PTK2B: variants seen among roughly 807,000 people sequenced by gnomAD.
PTK2B encodes protein tyrosine kinase 2 beta, also known as protein-tyrosine kinase 2-beta.
PTK2B carries 71 observed loss-of-function variants against 142.9 expected under a neutral mutation model. The observed-to-expected ratio is 0.50, with a 90% CI of 0.41 to 0.61. The LOEUF (loss-of-function observed/expected upper bound fraction) is 0.61, where lower values mean the gene tolerates loss of function less well. Ranked by LOEUF, PTK2B falls within the 20% of genes least tolerant of loss-of-function variation. The probability of loss-of-function intolerance (pLI) is 0.00; values close to 1 mark genes in which losing one functional copy is unlikely to be tolerated. For missense variants in PTK2B, 1,105 were observed against 1,320.4 expected, an observed-to-expected ratio of 0.84 and a Z score of 2.53; for synonymous variants, 519 against 503.4, an observed-to-expected ratio of 1.03 and a Z score of -0.42.
intron 11 of PTK2B, 150 bp from the exon 12 acceptor site, chr8:27,433,943 C>T: frequency 9.1e-7 from 1 of 1,098,698 alleles, no homozygotes; most frequent in Admixed American, 1.7e-5. Context: ...ACTTCTGGCC[C>T]AAGGCCTCAC....
At chr8:27,406,125 A>G (rs571433859) in intron 2 of PTK2B, among the ~76,000 whole-genome samples, 1 of 152,292 alleles carries the variant, frequency 6.6e-6, no homozygotes, top group South Asian at 2.1e-4. Context: ...TTCGCAGCTT[A>G]TGGATACTTC....
chr8:27,444,253 T>C lies in PTK2B; in HGVS notation c.2196T>C (p.Ala732=), dbSNP rs1470233335. Residue 732 remains alanine, a synonymous_variant, in exon 23 of 31, where the codon GCT becomes GCC. Transcript: ENST00000346049. ...CCCCTCCGCAAACCAACCTCCTGGCTCCAAAGCTGCAGTTCCAGGTAAAGA... is the reference window on the plus strand; with the variant it reads ...CCCCTCCGCAAACCAACCTCCTGGCCCCAAAGCTGCAGTTCCAGGTAAAGA... ...YRPPPQTNLL[A]PKLQFQVPEG... The C allele has an allele frequency of 1.9e-6, 3 of 1,613,700 alleles. No homozygotes were observed. The highest frequency in any genetic ancestry group is 1.7e-5 in the Admixed American group (1 of 59,998).
upstream of PTK2B, among the ~76,000 whole-genome samples, chr8:27,324,151 C>T (rs945655177): frequency 2.0e-5 from 3 of 152,232 alleles, no homozygotes; most frequent in African/African-American, 7.2e-5. Context: ...GCCTCCTCAT[C>T]CCCACACCTT....
chr8:27,410,949 C>T (rs1406393074), intron 2 of PTK2B, among the ~76,000 whole-genome samples: 7 of 152,196 alleles, frequency 4.6e-5, no homozygotes, highest in Admixed American at 4.6e-4. Context: ...TTCAAAGGTT[C>T]TTAATAACCA....
intron 1 of PTK2B, among the ~76,000 whole-genome samples, chr8:27,371,712 TA>T: frequency 6.6e-6 from 1 of 152,252 alleles, no homozygotes; most frequent in Admixed American, 6.5e-5. Flanking sequence ...CATGCCCTGC[TA>T]ATTTTTGTAT....
chr8:27,452,198 C>T (rs1811859975), intron 27 of PTK2B: 1 of 152,288 alleles, frequency 6.6e-6, no homozygotes, highest in African/African-American at 2.4e-5. Context: ...TCTGAGCTCA[C>T]CCTCTTATCT....
chr8:27,315,814 C>T (rs1803082526), intron 3 of PTK2B, among the ~76,000 whole-genome samples: 1 of 152,136 alleles, frequency 6.6e-6, no homozygotes, highest in African/African-American at 2.4e-5. Flanking sequence ...AGGGGCAGGA[C>T]CTGGGGCATA....
chr8:27,454,680 C>A (rs775017300), intron 30 of PTK2B, 69 bp downstream of exon 30: 15 of 1,519,104 alleles, frequency 9.9e-6, no homozygotes, highest in Non-Finnish European at 1.3e-5. Flanking sequence ...TCATTAGAGG[C>A]TCATGATGGC....
intron 1 of PTK2B, among the ~76,000 whole-genome samples, chr8:27,381,038 T>A (rs1586198315): frequency 6.6e-6 from 1 of 152,220 alleles, no homozygotes; most frequent in Admixed American, 6.5e-5. Context: ...GAGTTGATTT[T>A]TTTAATTTTA....
At chr8:27,433,651 T>G in intron 11 of PTK2B, 99 bp downstream of exon 11, 2 of 1,022,250 alleles carry the variant, frequency 2.0e-6, no homozygotes, top group Non-Finnish European at 3.0e-6. Context: ...GATGGATAAG[T>G]GAATGAGGAT....
chr8:27,320,806 A>G (rs974671670), upstream of PTK2B, among the ~76,000 whole-genome samples: 3 of 151,910 alleles, frequency 2.0e-5, no homozygotes, highest in African/African-American at 7.3e-5. Flanking sequence ...AGTATTGGCC[A>G]TGGGTGATCA....
intron 18 of PTK2B, chr8:27,438,093 G>T (rs1393306900): frequency 1.9e-6 from 1 of 523,356 alleles, no homozygotes; most frequent in Non-Finnish European, 3.4e-6. Context: ...GGGTTGTTAC[G>T]AGTAACTCTG....
rs370164260 is a variant in PTK2B, at chr8:27,397,554, A to G, written c.-31A>G. On this transcript the variant is annotated 5_prime_UTR_variant, in exon 2 of 31. Coordinates refer to ENST00000346049, the MANE Select transcript of PTK2B (RefSeq NM_173176.3). Reference sequence around the variant, plus strand: ...CCCTCTGCTGTCTCTGCAGGACTGCAATGTGCCGATCTTAGCTGCTGCCTG... The same window carrying G: ...CCCTCTGCTGTCTCTGCAGGACTGCGATGTGCCGATCTTAGCTGCTGCCTG... 4 of 1,608,710 alleles carry G rather than the reference A, an allele frequency of 2.5e-6. No individual in the cohort carries two copies. The Admixed American group carries it at 5.0e-5, about 20-fold the overall frequency.
At chr8:27,425,512 A>G (rs937918258) in intron 5 of PTK2B, among the ~76,000 whole-genome samples, 1 of 152,106 alleles carries the variant, frequency 6.6e-6, no homozygotes. Flanking sequence ...CAGAGTTCCT[A>G]TATACCCCCT....
chr8:27,326,783 C>G, intron 1 of PTK2B: 1 of 152,500 alleles, frequency 6.6e-6, no homozygotes. Context: ...GAAGTAGTCA[C>G]ACTGGAGAGC....
intron 4 of PTK2B, 158 bp from the exon 5 acceptor site, chr8:27,422,146 C>A: frequency 1.7e-6 from 1 of 595,976 alleles, no homozygotes; most frequent in Non-Finnish European, 2.8e-6. Context: ...AGCACCCTTT[C>A]CCCTCGTGCT....
At chr8:27,429,748 A>T (rs1810291975) in intron 5 of PTK2B, among the ~76,000 whole-genome samples, 1 of 152,174 alleles carries the variant, frequency 6.6e-6, no homozygotes, top group African/African-American at 2.4e-5. Context: ...CTGCAGGTGA[A>T]GGTCAGTGTT....
chr8:27,385,695 C>A (rs1807305531), intron 1 of PTK2B, among the ~76,000 whole-genome samples: 1 of 152,176 alleles, frequency 6.6e-6, no homozygotes, highest in East Asian at 1.9e-4. Context: ...GAGTTCAAGA[C>A]CAGCCTGGCC....
At chr8:27,319,685 C>A (rs1411143387) in intron 3 of PTK2B, among the ~76,000 whole-genome samples, 4 of 150,116 alleles carry the variant, frequency 2.7e-5, no homozygotes, top group African/African-American at 9.8e-5. Context: ...GACATAATAT[C>A]CATTAATGGT....
Sources: allele counts gnomAD v4.1 joint callset (sites outside exome capture counted in the v4.1 genomes callset), GRCh38; gene constraint gnomAD v4.1.1; transcripts MANE v1.5; gene names NCBI Gene and HGNC (gene_info 2026-07-23, HGNC 2026-07-21).